The following RBFOX1 variants were observed in gnomAD, a reference collection of about 807,000 sequenced individuals.
RBFOX1 encodes RNA binding protein fox-1 homolog 1.
A neutral mutation model predicts 57.7 loss-of-function variants in RBFOX1; 8 were observed. The observed-to-expected ratio is 0.14, with a 90% CI of 0.08 to 0.25. The LOEUF (loss-of-function observed/expected upper bound fraction) is 0.25, where lower values mean the gene tolerates loss of function less well. Ranked by LOEUF, RBFOX1 falls within the 10% of genes least tolerant of loss-of-function variation. The pLI is 1.00. For synonymous variants in RBFOX1, 326 were observed against 222.4 expected, an observed-to-expected ratio of 1.47 and a Z score of -4.15; for missense variants, 611 against 548.5, an observed-to-expected ratio of 1.11 and a Z score of -1.14.
At chr16:6,225,494 TA>T (rs1184950975) in intron 1 of RBFOX1, among the ~76,000 whole-genome samples, 1 of 152,182 alleles carries the variant, frequency 6.6e-6, no homozygotes, top group African/African-American at 2.4e-5. Flanking sequence ...AAGAGATTTT[TA>T]TATTAGATAA....
chr16:7,532,274 C>T (rs1411717082), intron 5 of RBFOX1, among the ~76,000 whole-genome samples: 1 of 151,950 alleles, frequency 6.6e-6, no homozygotes, highest in East Asian at 1.9e-4. Context: ...GCCTGGGGTT[C>T]CAGGCGGTGA....
intron 3 of RBFOX1, among the ~76,000 whole-genome samples, chr16:5,836,795 G>A (rs73518519): frequency 0.016 from 2,380 of 152,246 alleles, 67 homozygotes; most frequent in African/African-American, 0.053. Flanking sequence ...TCCTGACATT[G>A]CCAAAAGTTG....
At chr16:7,449,127 C>G (rs2150141595) in intron 4 of RBFOX1, among the ~76,000 whole-genome samples, 1 of 152,072 alleles carries the variant, frequency 6.6e-6, no homozygotes, top group South Asian at 2.1e-4. Flanking sequence ...CGGGGTTTCT[C>G]CATGTTGGTC....
chr16:7,170,137 G>A (rs1356062266), intron 4 of RBFOX1, among the ~76,000 whole-genome samples: 12 of 152,152 alleles, frequency 7.9e-5, no homozygotes, highest in Non-Finnish European at 1.5e-4. Flanking sequence ...TATATCTTAT[G>A]TTTTGCACAG....
intron 1 of RBFOX1, among the ~76,000 whole-genome samples, chr16:5,302,844 A>G (rs1391268064): frequency 6.6e-6 from 1 of 152,218 alleles, no homozygotes; most frequent in Non-Finnish European, 1.5e-5. Context: ...TGTTTCTTAT[A>G]AACAGCATAT....
chr16:6,627,964 G>A (rs374849160), intron 2 of RBFOX1, among the ~76,000 whole-genome samples: 16 of 152,298 alleles, frequency 1.1e-4, no homozygotes, highest in Non-Finnish European at 2.4e-4. Context: ...TCTCAGCCTC[G>A]CTGGATGTCA....
intron 1 of RBFOX1, among the ~76,000 whole-genome samples, chr16:5,450,135 G>A (rs1597113182): frequency 6.6e-6 from 1 of 152,174 alleles, no homozygotes; most frequent in Non-Finnish European, 1.5e-5. Flanking sequence ...GGCAGGAGAG[G>A]TGGCATGCCC....
At chr16:5,644,235 C>G (rs577493741) in intron 3 of RBFOX1, among the ~76,000 whole-genome samples, 1 of 151,972 alleles carries the variant, frequency 6.6e-6, no homozygotes, top group Non-Finnish European at 1.5e-5. Flanking sequence ...TAAATTGGGG[C>G]TCTAATTAAA....
intron 4 of RBFOX1, among the ~76,000 whole-genome samples, chr16:7,433,517 G>A (rs138399768): frequency 5.9e-5 from 9 of 152,306 alleles, no homozygotes; most frequent in East Asian, 1.9e-4. Flanking sequence ...ACAAATGCGC[G>A]GTGAAATCTT....
At chr16:5,371,637 C>T (rs559880072) in intron 1 of RBFOX1, among the ~76,000 whole-genome samples, 1 of 152,190 alleles carries the variant, frequency 6.6e-6, no homozygotes, top group Non-Finnish European at 1.5e-5. Flanking sequence ...GTGTACATTT[C>T]TGAGTGGTGC....
chr16:6,659,046 C>A (rs1490121226), intron 3 of RBFOX1, among the ~76,000 whole-genome samples: 1 of 151,546 alleles, frequency 6.6e-6, no homozygotes, highest in Non-Finnish European at 1.5e-5. Flanking sequence ...TATGGCCTCA[C>A]AAAACCCGAT....
intron 13 of RBFOX1, among the ~76,000 whole-genome samples, chr16:7,675,068 G>A (rs917574579): frequency 2.6e-5 from 4 of 152,172 alleles, no homozygotes; most frequent in African/African-American, 9.7e-5. Context: ...TGCAGCTAAT[G>A]TCTTCTGGAA....
intron 1 of RBFOX1, among the ~76,000 whole-genome samples, chr16:5,388,154 G>A (rs2066305534): frequency 6.6e-6 from 1 of 152,200 alleles, no homozygotes; most frequent in African/African-American, 2.4e-5. Context: ...GTACATTTGT[G>A]TTTTAAGCCA....
At chr16:6,616,826 A>G (rs1400114807) in intron 2 of RBFOX1, among the ~76,000 whole-genome samples, 10 of 152,224 alleles carry the variant, frequency 6.6e-5, no homozygotes, top group South Asian at 4.1e-4. Flanking sequence ...ATAATCTAAC[A>G]TCACGGAATG....
chr16:7,268,534 G>A (rs534900860), intron 4 of RBFOX1, among the ~76,000 whole-genome samples: 58 of 152,304 alleles, frequency 3.8e-4, no homozygotes, highest in African/African-American at 1.2e-3. Flanking sequence ...TGAGGAGTTT[G>A]AATTGCCAAT....
chr16:6,274,179 A>G (rs1478157963), intron 1 of RBFOX1, among the ~76,000 whole-genome samples: 2 of 152,164 alleles, frequency 1.3e-5, no homozygotes, highest in Non-Finnish European at 2.9e-5. Context: ...TTATCAGATA[A>G]CCTAGTAATT....
intron 3 of RBFOX1, among the ~76,000 whole-genome samples, chr16:5,781,657 G>A (rs968794469): frequency 6.6e-6 from 1 of 152,248 alleles, no homozygotes; most frequent in African/African-American, 2.4e-5. Flanking sequence ...ATGTGGCTGT[G>A]TGCCAATAAA....
intron 4 of RBFOX1, among the ~76,000 whole-genome samples, chr16:7,427,583 C>T (rs979153890): frequency 6.6e-6 from 1 of 151,996 alleles, no homozygotes. Flanking sequence ...CTTGCCCAAG[C>T]TAATTTAACT....
intron 2 of RBFOX1, among the ~76,000 whole-genome samples, chr16:6,555,708 A>G (rs1387891863): frequency 2.0e-5 from 3 of 151,518 alleles, no homozygotes; most frequent in Non-Finnish European, 2.9e-5. Context: ...TGAAAAAAAA[A>G]CAAAACAAAA....
Sources: gnomAD v4.1 joint callset for allele counts (sites outside exome capture counted in the v4.1 genomes callset) on GRCh38, gnomAD v4.1.1 for gene constraint, MANE v1.5 for transcripts, NCBI Gene and HGNC (gene_info 2026-07-23, HGNC 2026-07-21) for gene names.